The following GRAMD1C variants were observed in gnomAD, a reference collection of about 807,000 sequenced individuals.
The protein encoded by GRAMD1C is GRAM domain containing 1C, also known as protein Aster-C.
In GRAMD1C, 89 loss-of-function variants were observed where a neutral mutation model predicts 97.8. The observed-to-expected ratio is 0.91, with a 90% CI of 0.77 to 1.09. The LOEUF (loss-of-function observed/expected upper bound fraction) is 1.09. GRAMD1C is among the 50% of genes least tolerant of loss of function. The probability of loss-of-function intolerance (pLI) is 0.00; values close to 1 mark genes in which losing one functional copy is unlikely to be tolerated. For synonymous variants in GRAMD1C, 256 were observed against 267.0 expected, an observed-to-expected ratio of 0.96 and a Z score of 0.40; for missense variants, 740 against 766.4, an observed-to-expected ratio of 0.97 and a Z score of 0.41.
chr3:113,847,488 A>G (rs1423789443), intron 2 of GRAMD1C, among the ~76,000 whole-genome samples: 1 of 152,226 alleles, frequency 6.6e-6, no homozygotes, highest in African/African-American at 2.4e-5. Context: ...AATTGGCTCT[A>G]AATAGTACTG....
chr3:113,873,116 C>T (rs555066521), intron 3 of GRAMD1C, among the ~76,000 whole-genome samples: 5 of 33,648 alleles, frequency 1.5e-4, no homozygotes, highest in East Asian at 1.0e-3. Flanking sequence ...AAAAATTAGC[C>T]GGGTGTGGTG....
Position 113,903,847 on chromosome 3 carries a change from G to A in GRAMD1C, c.657-293G>A, listed in dbSNP as rs556616603. Among the ~76,000 whole-genome samples the A allele has an allele frequency of 2.0e-5, 3 of 151,946 alleles. No individual in the cohort carries two copies. The East Asian group carries it at 5.8e-4, about 29-fold the overall frequency. ...GGTTGTACACAAATGAAATTTAAAG[G>A]AGCAATTTTCATTTGATTAGTTACT... On this transcript the variant is annotated intron_variant, in intron 7 of 17. Transcript: ENST00000358160.
chr3:113,873,614 G>A (rs1362408463), intron 3 of GRAMD1C, among the ~76,000 whole-genome samples: 2 of 151,990 alleles, frequency 1.3e-5, no homozygotes, highest in Admixed American at 6.6e-5. Flanking sequence ...TGCCTCCCGC[G>A]TTCAAGGGAT....
At chr3:113,892,903 TG>T (rs1362562302) in intron 6 of GRAMD1C, among the ~76,000 whole-genome samples, 2 of 152,188 alleles carry the variant, frequency 1.3e-5, no homozygotes, top group African/African-American at 4.8e-5. Flanking sequence ...AGTCCTGCTT[TG>T]TTTTTGTATG....
intron 13 of GRAMD1C, 42 bp downstream of exon 13, chr3:113,934,577 AT>A (rs1937541405): frequency 1.2e-6 from 1 of 841,700 alleles, no homozygotes; most frequent in Non-Finnish European, 1.9e-6. Flanking sequence ...TAAAGATGGG[AT>A]TTATTAACAA....
chr3:113,930,894 T>A, intron 11 of GRAMD1C, 62 bp downstream of exon 11: 1 of 811,770 alleles, frequency 1.2e-6, no homozygotes. Context: ...AGATGCCTAT[T>A]ATAGTTCACC....
intron 1 of GRAMD1C, among the ~76,000 whole-genome samples, chr3:113,831,769 G>T (rs1186899479): frequency 6.6e-6 from 1 of 151,754 alleles, no homozygotes; most frequent in Non-Finnish European, 1.5e-5. Context: ...TTTCTATGTG[G>T]TTCCTTTTGT....
intron 6 of GRAMD1C, among the ~76,000 whole-genome samples, chr3:113,894,501 A>T (rs1935857510): frequency 6.6e-6 from 1 of 152,112 alleles, no homozygotes. Flanking sequence ...CTGGTCTCGA[A>T]CGCCTGACCT....
At chr3:113,866,870 C>T (rs1934605092) in intron 2 of GRAMD1C, among the ~76,000 whole-genome samples, 1 of 151,926 alleles carries the variant, frequency 6.6e-6, no homozygotes. Context: ...ACTCTGTTGC[C>T]CAGGCTGGAG....
chr3:113,833,133 T>C (rs961777072), intron 1 of GRAMD1C, among the ~76,000 whole-genome samples: 1 of 149,780 alleles, frequency 6.7e-6, no homozygotes, highest in Non-Finnish European at 1.5e-5. Context: ...TTTTTTTTTT[T>C]TTGTGTGTGT....
chr3:113,850,188 T>C, intron 2 of GRAMD1C: 1 of 454,174 alleles, frequency 2.2e-6, no homozygotes, highest in Admixed American at 2.9e-5. Context: ...ACTTACTTTT[T>C]TTTTTTGCTG....
At chr3:113,850,393 A>G (rs911294789) in intron 2 of GRAMD1C, 3 of 860,058 alleles carry the variant, frequency 3.5e-6, no homozygotes, top group Admixed American at 3.4e-5. Context: ...TGAGTCTTGC[A>G]GGTCGCTCAC....
intron 6 of GRAMD1C, chr3:113,890,525 A>G (rs1209277900): frequency 2.0e-6 from 1 of 499,430 alleles, no homozygotes; most frequent in African/African-American, 1.9e-5. Flanking sequence ...CAGGCCGGTC[A>G]CTTTCAGATT....
intron 3 of GRAMD1C, among the ~76,000 whole-genome samples, chr3:113,871,002 CACACACACACACACACACACAG>C (rs1290150333): frequency 4.1e-5 from 4 of 97,274 alleles, no homozygotes; most frequent in East Asian, 3.3e-4. Flanking sequence ...CACACACACA[CACACACACACACACACACACAG>C]AGGAATATTA....
intron 6 of GRAMD1C, among the ~76,000 whole-genome samples, chr3:113,889,572 C>T (rs1169870423): frequency 6.6e-6 from 1 of 151,862 alleles, no homozygotes; most frequent in East Asian, 1.9e-4. Context: ...TGAATTATAG[C>T]ACAGTAAAGC....
chr3:113,935,818 G>A (rs1342770984), intron 13 of GRAMD1C, among the ~76,000 whole-genome samples: 1 of 152,050 alleles, frequency 6.6e-6, no homozygotes, highest in Non-Finnish European at 1.5e-5. Context: ...GAGGTTTATA[G>A]GTTGTTTACA....
chr3:113,926,290 A>G (rs1937228279), intron 10 of GRAMD1C, among the ~76,000 whole-genome samples: 1 of 152,116 alleles, frequency 6.6e-6, no homozygotes, highest in African/African-American at 2.4e-5. Context: ...AATTTGGAGA[A>G]CCAGCCCTGT....
upstream of GRAMD1C, among the ~76,000 whole-genome samples, chr3:113,837,113 C>CTT (rs1425922131): frequency 6.7e-6 from 1 of 150,156 alleles, no homozygotes; most frequent in African/African-American, 2.5e-5. Flanking sequence ...TCCTTCCTTC[C>CTT]CTCTCTCTCT....
At chr3:113,888,543 G>A (rs1935597484) in intron 6 of GRAMD1C, among the ~76,000 whole-genome samples, 1 of 152,100 alleles carries the variant, frequency 6.6e-6, no homozygotes. Flanking sequence ...ACTACATGAG[G>A]CAATGGATAT....
Sources: gnomAD v4.1 joint callset for allele counts (sites outside exome capture counted in the v4.1 genomes callset) on GRCh38, gnomAD v4.1.1 for gene constraint, MANE v1.5 for transcripts, NCBI Gene and HGNC (gene_info 2026-07-23, HGNC 2026-07-21) for gene names.